The following TMEM170A variants were observed in gnomAD, a reference collection of about 807,000 sequenced individuals.
TMEM170A encodes the protein transmembrane protein 170.
A neutral mutation model predicts 12.8 loss-of-function variants in TMEM170A; 18 were observed. The ratio of observed to expected loss-of-function variants is 1.41; its 90% confidence interval spans 0.97 to 2.09. TMEM170A has a LOEUF of 2.09. Ranked by LOEUF, TMEM170A falls within the 30% of genes most tolerant of loss-of-function variation. The probability of loss-of-function intolerance (pLI) is 0.00; values close to 1 mark genes in which losing one functional copy is unlikely to be tolerated. For missense variants in TMEM170A, 220 were observed against 179.9 expected, an observed-to-expected ratio of 1.22 and a Z score of -1.28; for synonymous variants, 107 against 76.2, an observed-to-expected ratio of 1.40 and a Z score of -2.11.
chr16:75,463,345 G>A (rs182604706), intron 1 of TMEM170A, among the ~76,000 whole-genome samples: 50 of 152,048 alleles, frequency 3.3e-4, no homozygotes, highest in African/African-American at 1.2e-3. Flanking sequence ...AATAACGTGA[G>A]CTGCCAGATT....
In TMEM170A at chr16:75,444,746, C is replaced by A. The variant is rs1295674160; in HGVS notation, c.*2812G>T. 1.3e-5 allele frequency: 2 copies of A among 152,102 alleles called. No individual in the cohort carries two copies. The highest frequency in any genetic ancestry group is 2.9e-5 in the Non-Finnish European group (2 of 68,016). The allele number at this position is 152,102 out of a possible 1,614,324, so 9.4% of individuals were successfully genotyped here. ...TAGATTTATTCACTGGAGAATACTT[C>A]ACCTACTGGGATGGATGAAACACTC... On this transcript the variant is annotated 3_prime_UTR_variant, in exon 3 of 3. Coordinates refer to ENST00000561878, the MANE Select transcript of TMEM170A (RefSeq NM_145254.3).
chr16:75,446,249 C>T lies in TMEM170A; in HGVS notation c.*1309G>A, dbSNP rs1483822026. On this transcript the variant is annotated 3_prime_UTR_variant, in exon 3 of 3. Coordinates refer to ENST00000561878, the MANE Select transcript of TMEM170A (RefSeq NM_145254.3). ...TTTTGCAGATAACCACCACCACTAC[C>T]ACCACACTGATTGTATTCCATACAA... 1 of 151,510 alleles carries T rather than the reference C, an allele frequency of 6.6e-6. No individual in the cohort carries two copies. Among genetic ancestry groups the T allele is most frequent in the African/African-American group, 2.4e-5 (1 of 41,190 alleles). The allele number at this position is 151,510 out of a possible 1,614,324, so 9.4% of individuals were successfully genotyped here. A position where few individuals can be genotyped will look rare whatever the true frequency, so the allele number is the denominator to read the frequency against.
chr16:75,449,725 C>T (rs1463898594), intron 2 of TMEM170A, among the ~76,000 whole-genome samples: 1 of 152,154 alleles, frequency 6.6e-6, no homozygotes, highest in African/African-American at 2.4e-5. Context: ...TTAAAATGCC[C>T]AGCTCCACTG....
intron 1 of TMEM170A, among the ~76,000 whole-genome samples, chr16:75,461,595 G>C (rs989336573): frequency 2.6e-5 from 4 of 152,122 alleles, no homozygotes; most frequent in African/African-American, 4.8e-5. Context: ...GCAGATTTTG[G>C]TGTCTCAAAT....
rs1313112916 is a variant in TMEM170A at position 75,445,741 on chromosome 16, G to T, written c.*1817C>A. On this transcript the variant is annotated 3_prime_UTR_variant, in exon 3 of 3. Transcript: ENST00000561878. ...AAATTGGGCAGACTCCAGAATCACA[G>T]TAGATTCAGAGACTCTCCTCCTGGC... 6.7e-6 allele frequency: 1 copy of T among 150,242 alleles called. No homozygotes were observed. The highest frequency in any genetic ancestry group is 2.5e-5 in the African/African-American group (1 of 40,738). 9.3% of individuals were successfully genotyped at this position (150,242 alleles called of 1,614,324 possible). A position where few individuals can be genotyped will look rare whatever the true frequency, so the allele number is the denominator to read the frequency against.
chr16:75,457,960 G>A (rs1056506199), intron 1 of TMEM170A, among the ~76,000 whole-genome samples: 2 of 152,150 alleles, frequency 1.3e-5, no homozygotes, highest in African/African-American at 2.4e-5. Flanking sequence ...GGTTATTACA[G>A]GACTCTAAAT....
In TMEM170A at chr16:75,443,234, C is replaced by T. The variant is rs2079531271; in HGVS notation, c.*4324G>A. 1 of 152,022 alleles carries T rather than the reference C, an allele frequency of 6.6e-6. No homozygotes were observed. Among genetic ancestry groups the T allele is most frequent in the South Asian group, 2.1e-4 (1 of 4,816 alleles). 9.4% of individuals were successfully genotyped at this position (152,022 alleles called of 1,614,324 possible). On this transcript the variant is annotated 3_prime_UTR_variant, in exon 3 of 3. Coordinates refer to ENST00000561878, the MANE Select transcript of TMEM170A (RefSeq NM_145254.3). ...TAGCCACCAAAAAGAAATATAATTCCAACTCAGAATTGAAAGTAATTTTTT... is the reference window on the plus strand; with the variant it reads ...TAGCCACCAAAAAGAAATATAATTCTAACTCAGAATTGAAAGTAATTTTTT...
chr16:75,451,832 C>T lies in TMEM170A; in HGVS notation c.141G>A (p.Trp47Ter). 2 of 1,611,300 alleles carry T rather than the reference C, an allele frequency of 1.2e-6. No homozygotes were observed. The highest frequency in any genetic ancestry group is 1.7e-6 in the Non-Finnish European group (2 of 1,178,472). ...STSLCSFPEM[W>*]YGVFLWALVS... ...CCAGTGCCCACAGGAATACACCATACCACATCTCTATGAGGGAAGACAAAG... is the reference window on the plus strand; with the variant it reads ...CCAGTGCCCACAGGAATACACCATATCACATCTCTATGAGGGAAGACAAAG... The change falls in exon 2 of 3, where the codon TGG becomes TGA. Residue 47 changes from tryptophan (W) to a stop codon, truncating the protein, a stop_gained. Coordinates refer to ENST00000561878, the MANE Select transcript of TMEM170A (RefSeq NM_145254.3). LOFTEE classifies it high-confidence loss of function.
At position 75,446,258 on chromosome 16, in the gene TMEM170A, G is replaced by A. The variant is rs2079584720; in HGVS notation, c.*1300C>T. 6.6e-6 allele frequency: 1 copy of A among 151,384 alleles called. No homozygotes were observed. The highest frequency in any genetic ancestry group is 1.5e-5 in the Non-Finnish European group (1 of 67,962). The allele number at this position is 151,384 out of a possible 1,614,324, so 9.4% of individuals were successfully genotyped here. Reference sequence around the variant, plus strand: ...TAACCACCACCACTACCACCACACTGATTGTATTCCATACAAAACAGTTTA... The same window carrying A: ...TAACCACCACCACTACCACCACACTAATTGTATTCCATACAAAACAGTTTA... On this transcript the variant is annotated 3_prime_UTR_variant, in exon 3 of 3. Coordinates refer to ENST00000561878, the MANE Select transcript of TMEM170A (RefSeq NM_145254.3).
intron 1 of TMEM170A, among the ~76,000 whole-genome samples, chr16:75,460,295 T>C (rs1297237595): frequency 6.6e-6 from 1 of 152,172 alleles, no homozygotes; most frequent in Non-Finnish European, 1.5e-5. Context: ...ACTCTGTAAA[T>C]ATACTAAAAA....
intron 1 of TMEM170A, among the ~76,000 whole-genome samples, chr16:75,454,113 G>A (rs573927837): frequency 2.0e-5 from 3 of 152,268 alleles, no homozygotes; most frequent in East Asian, 1.9e-4. Context: ...CTTGACCACC[G>A]CCCTCCGCCC....
chr16:75,464,513 T>G lies in TMEM170A; in HGVS notation c.88A>C (p.Asn30His), dbSNP rs375906140. 2 of 1,585,670 alleles carry G rather than the reference T, an allele frequency of 1.3e-6. No individual in the cohort carries two copies. The highest frequency in any genetic ancestry group is 2.3e-5 in the South Asian group (2 of 87,890). The change falls in exon 1 of 3, where the codon AAC becomes CAC. Residue 30 changes from asparagine (N) to histidine (H), a missense_variant. By Grantham distance (68) the Asn-to-His change is moderately conservative (BLOSUM62 1). Coordinates refer to ENST00000561878, the MANE Select transcript of TMEM170A (RefSeq NM_145254.3). ...GTAGAGTTGGGGCACAGGGTCCCGT[T>G]GCCCACCCGCGGCACAACCTTCAGG... ...LSLKVVPRVGNGTLCPNSTSL... is the reference protein window; with the variant it reads ...LSLKVVPRVGHGTLCPNSTSL...
In TMEM170A at chr16:75,464,192, G is replaced by C. The variant is rs569421953; in HGVS notation, c.133+276C>G. Reference sequence around the variant, plus strand: ...GCTCGGAAGCTCAAGGCCAAGACCCGCTCGGGTGGCGGCCGAGCGCCCTCC... The same window carrying C: ...GCTCGGAAGCTCAAGGCCAAGACCCCCTCGGGTGGCGGCCGAGCGCCCTCC... On this transcript the variant is annotated intron_variant, in intron 1 of 2. Coordinates refer to ENST00000561878, the MANE Select transcript of TMEM170A (RefSeq NM_145254.3). 1.5e-5 allele frequency: 23 copies of C among 1,501,550 alleles called. 1 individual carries two copies. The Admixed American group carries it at 2.4e-4, about 16-fold the overall frequency. 93.0% of individuals were successfully genotyped at this position (1,501,550 alleles called of 1,614,324 possible).
intron 1 of TMEM170A, chr16:75,464,245 C>A: frequency 6.7e-7 from 1 of 1,502,142 alleles, no homozygotes; most frequent in Non-Finnish European, 8.8e-7. Context: ...CGGCCGCTCT[C>A]TGCATCTCAC....
At chr16:75,451,309 G>T (rs1438828476) in intron 2 of TMEM170A, 4 of 326,698 alleles carry the variant, frequency 1.2e-5, no homozygotes, top group Non-Finnish European at 1.1e-5. Flanking sequence ...CAGCATTTTG[G>T]GAGGCCAAGG....
Position 75,446,979 on chromosome 16 carries a change from A to G in TMEM170A, c.*579T>C, listed in dbSNP as rs569166712. 3.0e-4 allele frequency: 45 copies of G among 152,342 alleles called. No individual in the cohort carries two copies. Among genetic ancestry groups the G allele is most frequent in the African/African-American group, 1.0e-3 (43 of 41,592 alleles). 9.4% of individuals were successfully genotyped at this position (152,342 alleles called of 1,614,324 possible). On this transcript the variant is annotated 3_prime_UTR_variant, in exon 3 of 3. Transcript: ENST00000561878. ...TCATTGTTATCTACTTTTTATTTAT[A>G]AACAGTGGAACCAAAGCCACTACTT...
chr16:75,454,457 A>AGTAC lies in TMEM170A; in HGVS notation c.134-2619_134-2618insGTAC, dbSNP rs1320568016. ...CATAGTGAAACCCTGTCTCTCTAAA[A>AGTAC]ATACACACACATACACACACACACA... On this transcript the variant is annotated intron_variant, in intron 1 of 2. Transcript: ENST00000561878. 8.3e-3 allele frequency among the ~76,000 whole-genome samples: 553 copies of AGTAC among 66,640 alleles called. 3 individuals carry two copies. Among genetic ancestry groups the AGTAC allele is most frequent in the African/African-American group, 0.025 (526 of 20,664 alleles). The allele number at this position is 66,640 out of a possible 152,430, so 43.7% of individuals were successfully genotyped here. A position where few individuals can be genotyped will look rare whatever the true frequency, so the allele number is the denominator to read the frequency against.
rs1197459220 is a variant in TMEM170A, at chr16:75,443,079, A to C, written c.*4479T>G. On this transcript the variant is annotated 3_prime_UTR_variant, in exon 3 of 3. Coordinates refer to ENST00000561878, the MANE Select transcript of TMEM170A (RefSeq NM_145254.3). ...TTCACATGTTAAGTACGGTTTAATC[A>C]CAACTTTGAACAAGAATTTTATCAT... 1.3e-5 allele frequency: 2 copies of C among 152,192 alleles called. No individual in the cohort carries two copies. The highest frequency in any genetic ancestry group is 2.9e-5 in the Non-Finnish European group (2 of 68,032). The allele number at this position is 152,192 out of a possible 1,614,324, so 9.4% of individuals were successfully genotyped here.
At chr16:75,458,931 TTGCCCAGGCTG>T (rs1257913450) in intron 1 of TMEM170A, 11 of 152,324 alleles carry the variant, frequency 7.2e-5, no homozygotes, top group African/African-American at 2.4e-4. Flanking sequence ...TCTCACTCTG[TTGCCCAGGCTG>T]GAGTGCAGCG....
Sources: allele counts gnomAD v4.1 joint callset (sites outside exome capture counted in the v4.1 genomes callset), GRCh38; gene constraint gnomAD v4.1.1; transcripts MANE v1.5; gene names NCBI Gene and HGNC (gene_info 2026-07-23, HGNC 2026-07-21).